The following PTPRN2 variants were observed in gnomAD, a reference collection of about 807,000 sequenced individuals.
PTPRN2 encodes receptor-type tyrosine-protein phosphatase N2.
A neutral mutation model predicts 118.8 loss-of-function variants in PTPRN2; 74 were observed. That is an observed-to-expected ratio of 0.62 (90% CI 0.52 to 0.76). The LOEUF (loss-of-function observed/expected upper bound fraction) is 0.76, where lower values mean the gene tolerates loss of function less well. Ranked by LOEUF, PTPRN2 falls within the 30% of genes least tolerant of loss-of-function variation. The pLI, the probability that PTPRN2 is intolerant of heterozygous loss-of-function variation, is 0.00. For missense variants in PTPRN2, 1,481 were observed against 1,394.4 expected (o/e 1.06, Z -0.99); for synonymous variants, 641 against 608.0 (o/e 1.05, Z -0.80).
chr7:158,249,101 T>TCA (rs550117180), intron 3 of PTPRN2, among the ~76,000 whole-genome samples: 4 of 146,680 alleles, frequency 2.7e-5, no homozygotes, highest in Non-Finnish European at 4.5e-5. Context: ...TATGCACACA[T>TCA]CACACACACA....
At chr7:157,754,945 T>C (rs1282527529) in intron 12 of PTPRN2, among the ~76,000 whole-genome samples, 2 of 152,112 alleles carry the variant, frequency 1.3e-5, no homozygotes, top group African/African-American at 4.8e-5. Context: ...AGTGCAGTGG[T>C]GCAGTCTGGG....
intron 11 of PTPRN2, among the ~76,000 whole-genome samples, chr7:157,917,524 G>A (rs571931074): frequency 5.9e-5 from 9 of 152,288 alleles, no homozygotes; most frequent in East Asian, 1.9e-4. Flanking sequence ...TAATAATAGC[G>A]GCAGGCTGGG....
Position 157,787,173 on chromosome 7 carries a change from G to A in PTPRN2, c.1789-104236C>T, listed in dbSNP as rs1331789926. 3.3e-5 allele frequency among the ~76,000 whole-genome samples: 5 copies of A among 149,790 alleles called. No individual in the cohort carries two copies. The highest frequency in any genetic ancestry group is 7.3e-5 in the African/African-American group (3 of 41,250). On this transcript the variant is annotated intron_variant, in intron 12 of 22. Transcript: ENST00000389418. The surrounding 1 kb of genome is among the most constrained non-coding windows in gnomAD (Gnocchi z 5.3). ...GGCGGACGCGGGTGCGGCGGGGGAC[G>A]CGGGGGTGGCTGCCCGGGACTGGCT...
At chr7:157,548,414 C>T (rs889287684) in intron 22 of PTPRN2, among the ~76,000 whole-genome samples, 8 of 152,178 alleles carry the variant, frequency 5.3e-5, no homozygotes, top group Admixed American at 2.0e-4. Context: ...ACCAGACACA[C>T]GTCAACCTCA....
chr7:158,018,986 A>G (rs567666738), intron 11 of PTPRN2, among the ~76,000 whole-genome samples: 234 of 146,656 alleles, frequency 1.6e-3, no homozygotes, highest in African/African-American at 5.6e-3. Flanking sequence ...AAAAAAAAAA[A>G]AAAAAGAGAA....
chr7:158,123,546 C>T lies in PTPRN2; in HGVS notation c.1556+10131G>A, dbSNP rs561654134. On this transcript the variant is annotated intron_variant, in intron 9 of 22. Transcript: ENST00000389418. ...CAAACTGAACCTTCCTCCTGCGGAC[C>T]GCCATGCAGCCCCGGAGCTCGTGTG... 8.5e-5 allele frequency among the ~76,000 whole-genome samples: 13 copies of T among 152,254 alleles called. No individual in the cohort carries two copies. The South Asian group carries it at 1.0e-3, about 12-fold the overall frequency.
chr7:158,455,207 G>A (rs1281609223), intron 2 of PTPRN2, among the ~76,000 whole-genome samples: 1 of 152,186 alleles, frequency 6.6e-6, no homozygotes, highest in African/African-American at 2.4e-5. Context: ...CGGCACGGAC[G>A]CCATCGGCCA....
chr7:158,393,747 A>G (rs895749716), intron 2 of PTPRN2, among the ~76,000 whole-genome samples: 2 of 152,156 alleles, frequency 1.3e-5, no homozygotes, highest in Non-Finnish European at 2.9e-5. Context: ...TGAAGAAGGA[A>G]TCATGACGTG....
intron 11 of PTPRN2, among the ~76,000 whole-genome samples, chr7:157,915,789 T>C (rs1798363125): frequency 6.6e-6 from 1 of 152,154 alleles, no homozygotes; most frequent in South Asian, 2.1e-4. Flanking sequence ...TCTCCAATAA[T>C]TTAATTATTG....
intron 2 of PTPRN2, among the ~76,000 whole-genome samples, chr7:158,392,864 C>A (rs1365556299): frequency 6.6e-6 from 1 of 152,184 alleles, no homozygotes; most frequent in Non-Finnish European, 1.5e-5. Context: ...CCCCAGGCAG[C>A]CCCTCTCGGT....
intron 12 of PTPRN2, chr7:157,856,129 C>T (rs577637959): frequency 2.6e-5 from 4 of 152,326 alleles, no homozygotes; most frequent in South Asian, 4.1e-4. Context: ...ATTTTTAACA[C>T]GGTGGGATGT....
At chr7:158,071,250 ATGGAGGTGCCCGTGGTGG>A (rs1479946864) in intron 11 of PTPRN2, among the ~76,000 whole-genome samples, 704 of 20,046 alleles carry the variant, frequency 0.035, 98 homozygotes, top group Admixed American at 0.08. Context: ...TGCTCGTAGT[ATGGAGGTGCCCGTGGTGG>A]TGGAGGTGCC....
chr7:157,582,874 C>CA (rs112054959), intron 17 of PTPRN2, among the ~76,000 whole-genome samples: 5,983 of 117,320 alleles, frequency 0.051, 169 homozygotes, highest in Admixed American at 0.097. Context: ...AACTCCACCT[C>CA]AAAAAAAAAA....
Position 157,892,416 on chromosome 7 carries a change from C to T in PTPRN2, c.1788+6257G>A, listed in dbSNP as rs562418918. On this transcript the variant is annotated intron_variant, in intron 12 of 22. Coordinates refer to ENST00000389418, the MANE Select transcript of PTPRN2 (RefSeq NM_002847.5). ...ATATCAGAAATTAGATTTTGAAATA[C>T]ATCAAAATGCCACCCATCTATGAGG... Among the ~76,000 whole-genome samples, 3 of 152,284 alleles carry T rather than the reference C, an allele frequency of 2.0e-5. No individual in the cohort carries two copies. The East Asian group carries it at 5.8e-4, about 29-fold the overall frequency.
chr7:158,155,473 C>T (rs1470398373), intron 6 of PTPRN2, among the ~76,000 whole-genome samples: 1 of 151,114 alleles, frequency 6.6e-6, no homozygotes, highest in African/African-American at 2.4e-5. Context: ...TCATCATCAC[C>T]ATCACCATCA....
In PTPRN2 at chr7:157,861,754, C is replaced by CA. The variant is rs1473277025; in HGVS notation, c.1788+36918dup. On this transcript the variant is annotated intron_variant, in intron 12 of 22. Transcript: ENST00000389418. The surrounding 1 kb of genome is among the most constrained non-coding windows in gnomAD (Gnocchi z 5.8). ...TGCGTTGCCAGCAGCCCTCGGCCCACAGACACAGCGCTTCCCTCCTGCCTC... is the reference window on the plus strand; with the variant it reads ...TGCGTTGCCAGCAGCCCTCGGCCCACAAGACACAGCGCTTCCCTCCTGCCTC... Among the ~76,000 whole-genome samples, 1 of 152,256 alleles carries CA rather than the reference C, an allele frequency of 6.6e-6. No individual in the cohort carries two copies. Among genetic ancestry groups the CA allele is most frequent in the African/African-American group, 2.4e-5 (1 of 41,468 alleles).
chr7:158,347,923 T>G (rs1385977027), intron 2 of PTPRN2, among the ~76,000 whole-genome samples: 9 of 152,108 alleles, frequency 5.9e-5, no homozygotes, highest in African/African-American at 2.2e-4. Flanking sequence ...GTCAAGGGCC[T>G]TGCATTCCTG....
At chr7:157,553,935 G>A (rs1039432804) in intron 21 of PTPRN2, among the ~76,000 whole-genome samples, 2 of 151,974 alleles carry the variant, frequency 1.3e-5, no homozygotes, top group Non-Finnish European at 2.9e-5. Context: ...TATCCTGCCC[G>A]CTCTGGTGCC....
intron 6 of PTPRN2, among the ~76,000 whole-genome samples, chr7:158,162,688 C>T (rs1822467257): frequency 8.9e-6 from 1 of 112,300 alleles, no homozygotes; most frequent in African/African-American, 3.0e-5. Context: ...CTTAGATAGG[C>T]CTTCCACTGA....
Sources: gnomAD v4.1 joint callset for allele counts (sites outside exome capture counted in the v4.1 genomes callset) on GRCh38, gnomAD v4.1.1 for gene constraint, Gnocchi (gnomAD v3.1) non-coding constraint, MANE v1.5 for transcripts, NCBI Gene and HGNC (gene_info 2026-07-23, HGNC 2026-07-21) for gene names.